The following SDHAF4 variants were observed in gnomAD, a reference collection of about 807,000 sequenced individuals.
SDHAF4 encodes succinate dehydrogenase assembly factor 4, mitochondrial.
Under a neutral mutation model 14.3 loss-of-function variants are expected in SDHAF4, and 14 were observed. That is an observed-to-expected ratio of 0.98 (90% CI 0.65 to 1.53). SDHAF4 has a LOEUF of 1.53. SDHAF4 is among the 40% of genes most tolerant of loss of function. The probability of loss-of-function intolerance (pLI) is 0.00; values close to 1 mark genes in which losing one functional copy is unlikely to be tolerated. For synonymous variants in SDHAF4, 63 were observed against 47.3 expected (o/e 1.33, Z -1.36); for missense variants, 141 against 129.3 (o/e 1.09, Z -0.44).
At chr6:70,588,217 G>A (rs941490691) in intron 2 of SDHAF4, among the ~76,000 whole-genome samples, 4 of 152,128 alleles carry the variant, frequency 2.6e-5, no homozygotes, top group African/African-American at 9.7e-5. Context: ...TATCAGCAAC[G>A]CTGTCTTTAA....
chr6:70,588,842 A>ATATATATATATATATAT lies in SDHAF4; in HGVS notation c.*118_*119insTATATATATATATATAT. The ATATATATATATATATAT allele has an allele frequency of 2.9e-6, 1 of 339,212 alleles. No individual in the cohort carries two copies. The allele number at this position is 339,212 out of a possible 1,614,324, so 21.0% of individuals were successfully genotyped here. On this transcript the variant is annotated 3_prime_UTR_variant, in exon 3 of 3. Transcript: ENST00000370474. ...TCGTGTAGTTTGTATAATGTGTTTA[A>ATATATATATATATATAT]ATATATATATATATGATGGCTTTGG...
chr6:70,593,220 G>C (rs527863002), downstream of SDHAF4, among the ~76,000 whole-genome samples: 20 of 152,268 alleles, frequency 1.3e-4, no homozygotes, highest in Non-Finnish European at 2.5e-4. Flanking sequence ...CAAGCAGTGA[G>C]CCTTGGCGAC....
chr6:70,574,091 C>T (rs1802219890), intron 1 of SDHAF4, among the ~76,000 whole-genome samples: 1 of 151,700 alleles, frequency 6.6e-6, no homozygotes, highest in Admixed American at 6.6e-5. Flanking sequence ...GAGGCCAAGG[C>T]GGGTGGGTCA....
chr6:70,597,299 A>ATTTTTTTTTTTTTTTTT, the SDHAF4 span, among the ~76,000 whole-genome samples: 390 of 108,020 alleles, frequency 3.6e-3, no homozygotes, highest in Middle Eastern at 5.7e-3. Context: ...CGCCTGGCTA[A>ATTTTTTTTTTTTTTTTT]TTTTTTTTTT....
chr6:70,569,405 A>G (rs1383787837), intron 1 of SDHAF4, among the ~76,000 whole-genome samples: 1 of 152,042 alleles, frequency 6.6e-6, no homozygotes, highest in Non-Finnish European at 1.5e-5. Context: ...AGTAGCTGGT[A>G]TTACAGGCGC....
intron 1 of SDHAF4, among the ~76,000 whole-genome samples, chr6:70,574,945 C>A (rs972639908): frequency 3.3e-5 from 5 of 152,114 alleles, no homozygotes; most frequent in African/African-American, 9.6e-5. Context: ...CAACAAAAAT[C>A]TTCCAGTTCA....
intron 1 of SDHAF4, among the ~76,000 whole-genome samples, chr6:70,570,628 T>G (rs539116521): frequency 6.6e-6 from 1 of 151,524 alleles, no homozygotes; most frequent in South Asian, 2.1e-4. Context: ...CCTTATATCT[T>G]TTTTCTTTCT....
chr6:70,572,775 TAA>T (rs2128533923), intron 1 of SDHAF4, among the ~76,000 whole-genome samples: 1 of 152,294 alleles, frequency 6.6e-6, no homozygotes, highest in East Asian at 1.9e-4. Context: ...TAATTACTGA[TAA>T]AATTACATTC....
intron 1 of SDHAF4, among the ~76,000 whole-genome samples, chr6:70,575,356 G>A (rs1471951741): frequency 6.6e-6 from 1 of 151,656 alleles, no homozygotes; most frequent in Non-Finnish European, 1.5e-5. Context: ...CCAGCCTGGG[G>A]GACAGAGTGA....
chr6:70,594,927 AAT>A, the SDHAF4 span, among the ~76,000 whole-genome samples: 1 of 151,860 alleles, frequency 6.6e-6, no homozygotes, highest in Admixed American at 6.6e-5. Context: ...AAAAAAAAAA[AAT>A]CATTTTTTAA....
chr6:70,591,618 G>C (rs1161691684), downstream of SDHAF4, among the ~76,000 whole-genome samples: 1 of 152,060 alleles, frequency 6.6e-6, no homozygotes, highest in Non-Finnish European at 1.5e-5. Context: ...GAGCCACCGC[G>C]CCCGGCCAGT....
rs548126476 is a variant in SDHAF4 at position 70,583,217 on chromosome 6, A to G, written c.217+3651A>G. ...AACCTCCGCCTCCCGGGTTCAAGCG[A>G]TTCTCCTGCCTCAGCCTCCTGAGTA... On this transcript the variant is annotated intron_variant, in intron 2 of 2. Transcript: ENST00000370474. Among the ~76,000 whole-genome samples, 8 of 152,314 alleles carry G rather than the reference A, an allele frequency of 5.3e-5. 1 individual carries two copies. The South Asian group carries it at 1.7e-3, about 32-fold the overall frequency.
chr6:70,585,007 A>G (rs542688177), intron 2 of SDHAF4, among the ~76,000 whole-genome samples: 7 of 152,316 alleles, frequency 4.6e-5, no homozygotes, highest in African/African-American at 1.7e-4. Flanking sequence ...CCAAAAAGGA[A>G]AGGCTATAGA....
rs1004109155 is a variant in SDHAF4 at position 70,567,071 on chromosome 6, G to T, written c.64+67G>T. 7.6e-6 allele frequency: 11 copies of T among 1,455,070 alleles called. No homozygotes were observed. In the African/African-American group the frequency reaches 1.5e-4, roughly 21 times the overall value. 90.1% of individuals were successfully genotyped at this position (1,455,070 alleles called of 1,614,324 possible). The stretch of plus-strand genomic sequence containing the variant: ...TGAAGGCCCAGGCGCAGAGAGAAGC[G>T]CCTCCCGCGGAGGAAGCCGCGTGTG... On this transcript the variant is annotated intron_variant, in intron 1 of 2. Coordinates refer to ENST00000370474, the MANE Select transcript of SDHAF4 (RefSeq NM_145267.3).
chr6:70,567,118 AG>A (rs751473180), intron 1 of SDHAF4, 114 bp downstream of exon 1: 4 of 1,065,144 alleles, frequency 3.8e-6, no homozygotes, highest in Non-Finnish European at 5.4e-6. Context: ...CGGTGTTGCC[AG>A]GGGCTGCCCA....
intron 1 of SDHAF4, among the ~76,000 whole-genome samples, chr6:70,573,286 C>T (rs1197359670): frequency 2.5e-4 from 16 of 62,812 alleles, no homozygotes; most frequent in African/African-American, 1.0e-3. Flanking sequence ...TTTTTTGAGA[C>T]GGAATCTCAC....
chr6:70,581,093 T>A (rs569445135), intron 2 of SDHAF4, among the ~76,000 whole-genome samples: 61 of 151,980 alleles, frequency 4.0e-4, no homozygotes, highest in African/African-American at 1.4e-3. Context: ...CCACACTGGC[T>A]CATTGTTGTA....
rs1765238346 is a variant in SDHAF4 at position 70,589,321 on chromosome 6, GC to G, written c.*598del. On this transcript the variant is annotated 3_prime_UTR_variant, in exon 3 of 3. Coordinates refer to ENST00000370474, the MANE Select transcript of SDHAF4 (RefSeq NM_145267.3). ...GCTGGGATTACAGACACCCACCATT[GC>G]GCCTGGCTAATTTTTGTATTTTTAG... The G allele has an allele frequency of 6.6e-6, 1 of 151,700 alleles. No homozygotes were observed. Among genetic ancestry groups the G allele is most frequent in the South Asian group, 2.1e-4 (1 of 4,792 alleles). 9.4% of individuals were successfully genotyped at this position (151,700 alleles called of 1,614,324 possible).
chr6:70,587,218 A>C (rs542856145), intron 2 of SDHAF4, among the ~76,000 whole-genome samples: 1 of 148,220 alleles, frequency 6.7e-6, no homozygotes, highest in African/African-American at 2.5e-5. Flanking sequence ...GGTCAGGTGC[A>C]GTGGCTCACG....
Sources: gnomAD v4.1 joint callset for allele counts (sites outside exome capture counted in the v4.1 genomes callset) on GRCh38, gnomAD v4.1.1 for gene constraint, MANE v1.5 for transcripts, NCBI Gene and HGNC (gene_info 2026-07-23, HGNC 2026-07-21) for gene names.